Variants in KLF12 observed in about 807,000 individuals in gnomAD.
KLF12 encodes Krueppel-like factor 12.
Under a neutral mutation model 37.8 loss-of-function variants are expected in KLF12, and 9 were observed. That is an observed-to-expected ratio of 0.24 (90% CI 0.14 to 0.42). KLF12 has a LOEUF of 0.42. Among genes scored for constraint, KLF12 ranks in the 10% least tolerant of loss-of-function variants. The probability of loss-of-function intolerance (pLI) is 1.00; values close to 1 mark genes in which losing one functional copy is unlikely to be tolerated. For synonymous variants in KLF12, 208 were observed against 202.1 expected (o/e 1.03, Z -0.25); for missense variants, 411 against 516.0 (o/e 0.80, Z 1.97).
At chr13:73,896,460 A>G (rs949081259) in intron 3 of KLF12, among the ~76,000 whole-genome samples, 2 of 152,190 alleles carry the variant, frequency 1.3e-5, no homozygotes, top group Non-Finnish European at 2.9e-5. Flanking sequence ...GAACCCTGCT[A>G]CAGTGTCAGG....
intron 1 of KLF12, among the ~76,000 whole-genome samples, chr13:74,057,514 A>C (rs1319058367): frequency 6.6e-6 from 1 of 152,236 alleles, no homozygotes; most frequent in Non-Finnish European, 1.5e-5. Flanking sequence ...CTCAGCTAGT[A>C]TAAGACAAAA....
rs17061736 is a variant in KLF12 at position 73,957,956 on chromosome 13, A to G, written c.34-13886T>C. Among the ~76,000 whole-genome samples, 925 of 152,310 alleles carry G rather than the reference A, an allele frequency of 6.1e-3. 3 individuals carry two copies. Among genetic ancestry groups the G allele is most frequent in the Middle Eastern group, 0.014 (4 of 294 alleles). ...CGTACTGTTGATTCACAGGAATAAA[A>G]GAGGGAATTGGTTTTAGAAGACAGG... On this transcript the variant is annotated intron_variant, in intron 2 of 7. Transcript: ENST00000377669.
chr13:74,168,973 A>G, the KLF12 span, among the ~76,000 whole-genome samples: 3 of 152,214 alleles, frequency 2.0e-5, no homozygotes. Flanking sequence ...CTGTGCAGAG[A>G]GTACAAACCA....
At chr13:73,761,844 C>A (rs1438729497) in intron 6 of KLF12, among the ~76,000 whole-genome samples, 8 of 152,108 alleles carry the variant, frequency 5.3e-5, no homozygotes, top group Non-Finnish European at 1.2e-4. Context: ...TGCTCACTTC[C>A]ATTTAGGGAC....
intron 3 of KLF12, among the ~76,000 whole-genome samples, chr13:73,849,743 C>T (rs551821325): frequency 1.3e-5 from 2 of 152,190 alleles, no homozygotes; most frequent in Non-Finnish European, 2.9e-5. Flanking sequence ...TGTTTAGTAA[C>T]TCCTCAATTC....
intron 3 of KLF12, among the ~76,000 whole-genome samples, chr13:73,919,489 T>C (rs1386310676): frequency 6.6e-6 from 1 of 152,154 alleles, no homozygotes; most frequent in East Asian, 1.9e-4. Flanking sequence ...AAATCTAGAA[T>C]AGATAGAAAA....
intron 5 of KLF12, among the ~76,000 whole-genome samples, chr13:73,802,716 T>C (rs1480296088): frequency 6.6e-6 from 1 of 152,182 alleles, no homozygotes; most frequent in Non-Finnish European, 1.5e-5. Flanking sequence ...TGAGAACATG[T>C]GGTATTTGGT....
chr13:74,060,481 G>T (rs1873511401), intron 1 of KLF12, among the ~76,000 whole-genome samples: 2 of 64,666 alleles, frequency 3.1e-5, no homozygotes, highest in Non-Finnish European at 3.1e-5. Flanking sequence ...GTATACCTAG[G>T]TTTTGTGTGT....
the KLF12 span, among the ~76,000 whole-genome samples, chr13:74,235,763 C>T: frequency 0.22 from 34,090 of 151,992 alleles, 6,552 homozygotes; most frequent in African/African-American, 0.52. Context: ...AACTTATTTT[C>T]ATTTCCTTAA....
intron 1 of KLF12, among the ~76,000 whole-genome samples, chr13:74,105,803 T>C (rs943124548): frequency 6.6e-6 from 1 of 152,164 alleles, no homozygotes; most frequent in Non-Finnish European, 1.5e-5. Context: ...ATATGTACTA[T>C]GCCTAATTCT....
At chr13:73,777,509 G>A (rs973533589) in intron 5 of KLF12, among the ~76,000 whole-genome samples, 4 of 152,126 alleles carry the variant, frequency 2.6e-5, no homozygotes, top group African/African-American at 9.7e-5. Context: ...GGGAGTTCAA[G>A]ACCAGCCTGA....
chr13:74,268,379 C>G, the KLF12 span, among the ~76,000 whole-genome samples: 1 of 152,132 alleles, frequency 6.6e-6, no homozygotes, highest in African/African-American at 2.4e-5. Context: ...TTTCTAGAAG[C>G]ACCGTTAATT....
chr13:74,245,775 G>T, the KLF12 span, among the ~76,000 whole-genome samples: 4 of 152,158 alleles, frequency 2.6e-5, no homozygotes, highest in East Asian at 3.8e-4. Flanking sequence ...TTCAAAGAAA[G>T]ACCTGAATTA....
chr13:73,873,151 A>G (rs1035567631), intron 3 of KLF12, among the ~76,000 whole-genome samples: 1 of 152,106 alleles, frequency 6.6e-6, no homozygotes, highest in East Asian at 1.9e-4. Context: ...ATATATAAAC[A>G]ACATAATCGA....
At chr13:74,269,558 A>G in the KLF12 span, among the ~76,000 whole-genome samples, 4 of 152,202 alleles carry the variant, frequency 2.6e-5, no homozygotes, top group Admixed American at 2.6e-4. Context: ...AGTAAAAAAA[A>G]TGTGTTTTAA....
At chr13:73,928,269 T>C (rs1402178704) in intron 3 of KLF12, among the ~76,000 whole-genome samples, 2 of 152,208 alleles carry the variant, frequency 1.3e-5, no homozygotes, top group African/African-American at 2.4e-5. Flanking sequence ...GTTAAACCCT[T>C]TAGCTAAAGG....
chr13:74,053,940 T>C (rs1873087982), intron 1 of KLF12, among the ~76,000 whole-genome samples: 1 of 152,172 alleles, frequency 6.6e-6, no homozygotes, highest in African/African-American at 2.4e-5. Flanking sequence ...GTGGGATTAA[T>C]GGGTACAGAA....
chr13:74,259,504 C>T, the KLF12 span: 5 of 152,232 alleles, frequency 3.3e-5, no homozygotes, highest in South Asian at 1.0e-3. Flanking sequence ...TAATCCATGT[C>T]CCTCCCAGTA....
At chr13:73,934,817 T>A (rs7992569) in intron 3 of KLF12, among the ~76,000 whole-genome samples, 5,758 of 152,056 alleles carry the variant, frequency 0.038, 335 homozygotes, top group African/African-American at 0.12. Flanking sequence ...ATCTCCCTCT[T>A]CTTGAAAGTC....
Sources: allele counts gnomAD v4.1 joint callset (sites outside exome capture counted in the v4.1 genomes callset), GRCh38; gene constraint gnomAD v4.1.1; transcripts MANE v1.5; gene names NCBI Gene and HGNC (gene_info 2026-07-23, HGNC 2026-07-21).